MYBPC1: variants seen among roughly 807,000 people sequenced by gnomAD.
The protein encoded by MYBPC1 is myosin-binding protein C, slow-type.
In MYBPC1, 52 loss-of-function variants were observed where a neutral mutation model predicts 147.1. That is an observed-to-expected ratio of 0.35 (90% CI 0.28 to 0.45). The LOEUF is 0.45. Ranked by LOEUF, MYBPC1 falls within the 20% of genes least tolerant of loss-of-function variation. The pLI is 1.00. For synonymous variants in MYBPC1, 477 were observed against 475.9 expected (o/e 1.00, Z -0.03); for missense variants, 1,228 against 1,440.3 (o/e 0.85, Z 2.39).
chr12:101,613,672 C>T (rs1440751418), intron 1 of MYBPC1, among the ~76,000 whole-genome samples: 1 of 152,158 alleles, frequency 6.6e-6, no homozygotes, highest in African/African-American at 2.4e-5. Flanking sequence ...ACAGAAGTTT[C>T]TTTGTCAGAC....
At chr12:101,627,652 T>C (rs1318103096) in intron 4 of MYBPC1, 117 bp from the exon 5 acceptor site, 2 of 1,160,528 alleles carry the variant, frequency 1.7e-6, no homozygotes, top group Non-Finnish European at 2.6e-6. Context: ...TAGGGTTTTT[T>C]CCTTCCTATC....
At position 101,667,731 on chromosome 12, in the gene MYBPC1, G is replaced by C. The variant is rs112624063; in HGVS notation, c.2357-1G>C. 1 of 1,614,074 alleles carries C rather than the reference G, an allele frequency of 6.2e-7. No individual in the cohort carries two copies. Among genetic ancestry groups the C allele is most frequent in the Non-Finnish European group, 8.5e-7 (1 of 1,180,012 alleles). On this transcript the variant is annotated splice_acceptor_variant, in intron 22 of 31. Coordinates refer to ENST00000361466, the MANE Select transcript of MYBPC1 (RefSeq NM_002465.4). LOFTEE classifies it high-confidence loss of function. The stretch of plus-strand genomic sequence containing the variant: ...TTTTCCTTTTCTTTTACGGACTTCA[G>C]CTGAGGACTGGATAGTTGCAAACAA...
downstream of MYBPC1, among the ~76,000 whole-genome samples, chr12:101,686,429 G>T (rs1356780720): frequency 1.3e-5 from 2 of 152,174 alleles, no homozygotes; most frequent in African/African-American, 4.8e-5. Flanking sequence ...GGCTGTTACA[G>T]ACAACAGACC....
intron 28 of MYBPC1, among the ~76,000 whole-genome samples, chr12:101,679,515 G>A (rs1950795000): frequency 6.6e-6 from 1 of 152,176 alleles, no homozygotes; most frequent in Non-Finnish European, 1.5e-5. Context: ...AGAATGCAGA[G>A]GGTGCATATT....
intron 22 of MYBPC1, chr12:101,666,617 G>A: frequency 3.1e-6 from 3 of 954,778 alleles, no homozygotes; most frequent in Admixed American, 3.5e-5. Context: ...TTCCGTCACT[G>A]CTCTGAGGAC....
At chr12:101,668,822 C>T (rs1897993299) in intron 23 of MYBPC1, among the ~76,000 whole-genome samples, 2 of 152,170 alleles carry the variant, frequency 1.3e-5, no homozygotes, top group South Asian at 4.1e-4. Flanking sequence ...CACAATGCCT[C>T]ATGCCTGTAA....
At chr12:101,614,387 A>G in intron 1 of MYBPC1, 109 bp from the exon 2 acceptor site, 1 of 1,157,518 alleles carries the variant, frequency 8.6e-7, no homozygotes, top group South Asian at 1.3e-5. Context: ...TCTTGTGAGT[A>G]CACACAGGTG....
At chr12:101,641,969 A>G (rs1892148565) in intron 10 of MYBPC1, among the ~76,000 whole-genome samples, 1 of 152,204 alleles carries the variant, frequency 6.6e-6, no homozygotes, top group East Asian at 1.9e-4. Flanking sequence ...GGGTGTGTAC[A>G]TCAAAGAAAA....
rs112761692 is a variant in MYBPC1 at position 101,651,471 on chromosome 12, G to A, written c.1526+78G>A. On this transcript the variant is annotated intron_variant, in intron 16 of 31. Transcript: ENST00000361466. ...CCATTTTCTAAATTACATATTTGGT[G>A]AGGATATTTGAAGGGTAGCCATAGG... 1,462 of 1,571,628 alleles carry A rather than the reference G, an allele frequency of 9.3e-4. 7 individuals are homozygous for A. In the African/African-American group the frequency reaches 0.017, roughly 19 times the overall value.
intron 1 of MYBPC1, among the ~76,000 whole-genome samples, chr12:101,595,941 T>C (rs1248455394): frequency 6.6e-6 from 1 of 152,084 alleles, no homozygotes; most frequent in Non-Finnish European, 1.5e-5. Context: ...ATTAATACTA[T>C]GCATGCATTG....
At chr12:101,694,209 T>C in the MYBPC1 span, among the ~76,000 whole-genome samples, 1 of 152,226 alleles carries the variant, frequency 6.6e-6, no homozygotes, top group South Asian at 2.1e-4. Flanking sequence ...CCCTCTATAA[T>C]TGCATTTACC....
intron 18 of MYBPC1, among the ~76,000 whole-genome samples, chr12:101,657,995 G>A (rs1895852320): frequency 6.6e-6 from 1 of 152,082 alleles, no homozygotes; most frequent in African/African-American, 2.4e-5. Context: ...AGCCGGGCGT[G>A]GTGGCTGCGC....
intron 2 of MYBPC1, among the ~76,000 whole-genome samples, chr12:101,616,328 A>G (rs1180562548): frequency 1.3e-5 from 2 of 152,178 alleles, no homozygotes. Flanking sequence ...CCTACTGGCC[A>G]TTATAAACAA....
At chr12:101,641,143 T>G (rs1044932061) in intron 10 of MYBPC1, among the ~76,000 whole-genome samples, 1 of 146,482 alleles carries the variant, frequency 6.8e-6, no homozygotes, top group African/African-American at 2.5e-5. Flanking sequence ...AAGAAGGCAC[T>G]CTGAAACAGG....
At chr12:101,673,282 T>A in intron 24 of MYBPC1, 145 bp from the exon 25 acceptor site, 1 of 759,198 alleles carries the variant, frequency 1.3e-6, no homozygotes, top group Non-Finnish European at 2.3e-6. Context: ...GCTTTGCTGC[T>A]GTAATTGCTC....
chr12:101,621,819 C>T (rs1372721171), intron 3 of MYBPC1, among the ~76,000 whole-genome samples: 2 of 152,278 alleles, frequency 1.3e-5, no homozygotes, highest in East Asian at 1.9e-4. Context: ...TATTCAGTTA[C>T]AAGTCTCTCA....
intron 10 of MYBPC1, among the ~76,000 whole-genome samples, 189 bp from the exon 11 acceptor site, chr12:101,642,230 T>C (rs1268547162): frequency 6.6e-6 from 1 of 152,252 alleles, no homozygotes; most frequent in Non-Finnish European, 1.5e-5. Flanking sequence ...ACATTTGATC[T>C]TCTACTACCT....
At chr12:101,599,568 G>C (rs954427537) in intron 1 of MYBPC1, among the ~76,000 whole-genome samples, 5 of 152,134 alleles carry the variant, frequency 3.3e-5, no homozygotes, top group Admixed American at 6.6e-5. Flanking sequence ...GCAAGAGAGT[G>C]AATGGCCTAT....
At chr12:101,636,822 G>A in intron 10 of MYBPC1, 94 bp downstream of exon 10, 2 of 1,043,076 alleles carry the variant, frequency 1.9e-6, no homozygotes, top group Non-Finnish European at 1.5e-6. Flanking sequence ...GTTCTTCAGA[G>A]AATTTTTCAT....
Sources: allele counts gnomAD v4.1 joint callset (sites outside exome capture counted in the v4.1 genomes callset), GRCh38; gene constraint gnomAD v4.1.1; transcripts MANE v1.5; gene names NCBI Gene and HGNC (gene_info 2026-07-23, HGNC 2026-07-21).